Variants in SEMA5A observed in about 807,000 individuals in gnomAD.
SEMA5A encodes the protein semaphorin-5A.
SEMA5A carries 55 observed loss-of-function variants against 135.5 expected under a neutral mutation model. The observed-to-expected ratio is 0.41, with a 90% CI of 0.33 to 0.51. The LOEUF (loss-of-function observed/expected upper bound fraction) is 0.51, where lower values mean the gene tolerates loss of function less well. Ranked by LOEUF, SEMA5A falls within the 20% of genes least tolerant of loss-of-function variation. The probability of loss-of-function intolerance (pLI) is 0.37; values close to 1 mark genes in which losing one functional copy is unlikely to be tolerated. For synonymous variants in SEMA5A, 580 were observed against 546.5 expected (o/e 1.06, Z -0.85); for missense variants, 1,290 against 1,419.9 (o/e 0.91, Z 1.47).
chr5:9,283,793 C>T (rs1014412211), intron 5 of SEMA5A, among the ~76,000 whole-genome samples: 52 of 152,122 alleles, frequency 3.4e-4, no homozygotes, highest in African/African-American at 1.2e-3. Context: ...AAGGTTTGTC[C>T]ACTGTCCTGG....
chr5:9,238,323 A>G (rs1472676791), intron 5 of SEMA5A, among the ~76,000 whole-genome samples: 1 of 152,212 alleles, frequency 6.6e-6, no homozygotes, highest in African/African-American at 2.4e-5. Context: ...TCATTTATCA[A>G]TATTCATAGA....
intron 1 of SEMA5A, among the ~76,000 whole-genome samples, chr5:9,469,855 A>G (rs1759411304): frequency 1.3e-5 from 2 of 152,216 alleles, no homozygotes; most frequent in Non-Finnish European, 2.9e-5. Flanking sequence ...CTTTTACTTA[A>G]ATCTTGAGGA....
chr5:9,497,924 C>T (rs143370089), intron 1 of SEMA5A, among the ~76,000 whole-genome samples: 169 of 152,296 alleles, frequency 1.1e-3, no homozygotes, highest in African/African-American at 3.9e-3. Context: ...AAATTATGTG[C>T]AACTCCTTGG....
At chr5:9,489,474 G>A (rs1240969800) in intron 1 of SEMA5A, among the ~76,000 whole-genome samples, 1 of 152,148 alleles carries the variant, frequency 6.6e-6, no homozygotes, top group African/African-American at 2.4e-5. Context: ...GGCACCCACA[G>A]GGATGGCGGT....
intron 3 of SEMA5A, among the ~76,000 whole-genome samples, chr5:9,355,468 G>A (rs1179004079): frequency 1.3e-5 from 2 of 152,146 alleles, no homozygotes; most frequent in African/African-American, 2.4e-5. Flanking sequence ...AAGGAAACGT[G>A]AGAAACTGAG....
chr5:9,318,410 G>A lies in SEMA5A; in HGVS notation c.232C>T (p.Leu78Phe), dbSNP rs199760595. The change falls in exon 5 of 23, where the codon CTC (leucine) becomes TTC (phenylalanine). Residue 78 changes from leucine (L) to phenylalanine (F), a missense_variant. This residue lies in a region of SEMA5A where 116 missense variants were observed against 121.3 expected (regional missense o/e 0.96). Coordinates refer to ENST00000382496, the MANE Select transcript of SEMA5A (RefSeq NM_003966.3). Reference sequence around the variant, plus strand: ...AGATCCTCAAGCTGTAACCTGAAGAGGTAGTTTCTGCAAAATACAAAAACA... The same window carrying A: ...AGATCCTCAAGCTGTAACCTGAAGAAGTAGTTTCTGCAAAATACAAAAACA... The part of the protein sequence containing the change: ...KELVVGARNY[L>F]FRLQLEDLSL... 2 of 1,611,870 alleles carry A rather than the reference G, an allele frequency of 1.2e-6. No homozygotes were observed. Among genetic ancestry groups the A allele is most frequent in the Non-Finnish European group, 1.7e-6 (2 of 1,178,976 alleles).
At chr5:9,274,239 C>CAAAG (rs201230335) in intron 5 of SEMA5A, among the ~76,000 whole-genome samples, 1,557 of 152,000 alleles carry the variant, frequency 0.01, 27 homozygotes, top group African/African-American at 0.036. Context: ...TCAAAAGAGA[C>CAAAG]AAGGACATTA....
intron 5 of SEMA5A, among the ~76,000 whole-genome samples, chr5:9,282,810 C>T (rs1021678993): frequency 2.6e-5 from 4 of 152,128 alleles, no homozygotes; most frequent in Non-Finnish European, 4.4e-5. Context: ...AAAGTAGAGT[C>T]CCACTTTCTA....
chr5:9,271,016 G>C (rs553922258), intron 5 of SEMA5A, among the ~76,000 whole-genome samples: 1 of 152,038 alleles, frequency 6.6e-6, no homozygotes, highest in African/African-American at 2.4e-5. Context: ...TTTGTTCTCT[G>C]TCCCCACCCA....
chr5:9,542,013 G>C (rs938027988), intron 1 of SEMA5A, among the ~76,000 whole-genome samples: 1 of 152,132 alleles, frequency 6.6e-6, no homozygotes, highest in African/African-American at 2.4e-5. Flanking sequence ...TTTTGAGCAG[G>C]TTCATTTATA....
rs1754868205 is a variant in SEMA5A at position 9,365,319 on chromosome 5, T to C, written c.124+14504A>G. Among the ~76,000 whole-genome samples the C allele has an allele frequency of 1.3e-5, 2 of 152,098 alleles. 1 individual carries two copies. The highest frequency in any genetic ancestry group is 1.3e-4 in the Admixed American group (2 of 15,274). ...TCAGTAATCAAGATAAATAATATTT[T>C]AATATAATATTTTTCAAGGTCTAGA... On this transcript the variant is annotated intron_variant, in intron 3 of 22. Transcript: ENST00000382496.
chr5:9,130,051 C>T (rs1741322214), intron 13 of SEMA5A, among the ~76,000 whole-genome samples: 1 of 152,046 alleles, frequency 6.6e-6, no homozygotes, highest in Admixed American at 6.6e-5. Context: ...AGCAAATTTC[C>T]CTTCATCTAG....
At chr5:9,055,519 T>C (rs1736840783) in intron 18 of SEMA5A, among the ~76,000 whole-genome samples, 2 of 152,224 alleles carry the variant, frequency 1.3e-5, no homozygotes. Context: ...TGTTTTTTAA[T>C]ATGCCTGTCA....
At chr5:9,113,688 C>T (rs1370802849) in intron 15 of SEMA5A, among the ~76,000 whole-genome samples, 1 of 152,146 alleles carries the variant, frequency 6.6e-6, no homozygotes, top group Non-Finnish European at 1.5e-5. Context: ...GTCCACTAAG[C>T]ACATGAGAAG....
At chr5:9,372,235 C>T (rs1400037425) in intron 3 of SEMA5A, among the ~76,000 whole-genome samples, 3 of 152,224 alleles carry the variant, frequency 2.0e-5, no homozygotes, top group African/African-American at 7.2e-5. Context: ...AATGAAGAGG[C>T]TAAACTCAGC....
intron 5 of SEMA5A, among the ~76,000 whole-genome samples, chr5:9,294,281 T>C (rs1561116998): frequency 6.6e-6 from 1 of 152,168 alleles, no homozygotes; most frequent in East Asian, 1.9e-4. Context: ...GCCTACAGTA[T>C]AAGCCCCAGC....
rs114618451 is a variant in SEMA5A, at chr5:9,376,023, C to T, written c.124+3800G>A. Reference sequence around the variant, plus strand: ...CCTTCTCATTCCTGCTCTACATCTACTGAATCCTCAACCACACTCCTTTCC... The same window carrying T: ...CCTTCTCATTCCTGCTCTACATCTATTGAATCCTCAACCACACTCCTTTCC... On this transcript the variant is annotated intron_variant, in intron 3 of 22. Transcript: ENST00000382496. Among the ~76,000 whole-genome samples the T allele has an allele frequency of 4.0e-3, 610 of 152,234 alleles. 2 individuals are homozygous for T. The highest frequency in any genetic ancestry group is 7.2e-3 in the Non-Finnish European group (489 of 68,020).
chr5:9,483,748 A>C (rs1759969823), intron 1 of SEMA5A, among the ~76,000 whole-genome samples: 1 of 152,242 alleles, frequency 6.6e-6, no homozygotes, highest in South Asian at 2.1e-4. Context: ...CAGAAGAAAA[A>C]AGTAATTTAG....
intron 16 of SEMA5A, among the ~76,000 whole-genome samples, chr5:9,076,388 A>G (rs982523327): frequency 6.6e-6 from 1 of 152,242 alleles, no homozygotes; most frequent in East Asian, 1.9e-4. Context: ...TATAGTAAAT[A>G]GAGTTTGAGA....
Sources: gnomAD v4.1 joint callset for allele counts (sites outside exome capture counted in the v4.1 genomes callset) on GRCh38, gnomAD v4.1.1 for gene constraint, gnomAD v4.1.1 regional missense constraint, MANE v1.5 for transcripts, NCBI Gene and HGNC (gene_info 2026-07-23, HGNC 2026-07-21) for gene names.